Variants in WDR70 observed in about 807,000 individuals in gnomAD.
WDR70 encodes the protein WD repeat-containing protein 70.
Under a neutral mutation model 88.6 loss-of-function variants are expected in WDR70, and 53 were observed. That is an observed-to-expected ratio of 0.60 (90% CI 0.48 to 0.75). WDR70 has a LOEUF of 0.75. Ranked by LOEUF, WDR70 falls within the 30% of genes least tolerant of loss-of-function variation. The pLI, the probability that WDR70 is intolerant of heterozygous loss-of-function variation, is 0.00. For synonymous variants in WDR70, 280 were observed against 270.0 expected (o/e 1.04, Z -0.36); for missense variants, 610 against 823.2 (o/e 0.74, Z 3.17).
chr5:37,690,109 T>C (rs1273267359), intron 10 of WDR70, among the ~76,000 whole-genome samples: 2 of 152,084 alleles, frequency 1.3e-5, no homozygotes, highest in Non-Finnish European at 2.9e-5. Flanking sequence ...AGAAAGGGTA[T>C]CAGTGATAGA....
chr5:37,654,992 A>G (rs1324699552), intron 10 of WDR70, among the ~76,000 whole-genome samples: 1 of 152,200 alleles, frequency 6.6e-6, no homozygotes, highest in Non-Finnish European at 1.5e-5. Flanking sequence ...TGTCATTATG[A>G]TGCTAGCTAG....
chr5:37,548,153 G>A (rs1742046953), intron 9 of WDR70, among the ~76,000 whole-genome samples: 1 of 152,146 alleles, frequency 6.6e-6, no homozygotes, highest in African/African-American at 2.4e-5. Flanking sequence ...TTTCTTTTGG[G>A]TATGTACCCA....
At chr5:37,726,749 A>G in intron 16 of WDR70, 134 bp from the exon 17 acceptor site, 1 of 920,694 alleles carries the variant, frequency 1.1e-6, no homozygotes, top group South Asian at 3.6e-5. Context: ...TCTGATTGTC[A>G]TAAATCTAAG....
At chr5:37,381,909 C>T (rs1748437200) in intron 3 of WDR70, 2 of 369,536 alleles carry the variant, frequency 5.4e-6, no homozygotes, top group Admixed American at 3.7e-5. Context: ...CAATAATTAG[C>T]TGGGCATGGT....
chr5:37,424,466 G>A lies in WDR70; in HGVS notation c.493-13456G>A, dbSNP rs545166303. The stretch of plus-strand genomic sequence containing the variant: ...GTTGCCCAGGCTGGAGTACAGTGGC[G>A]TGATCACGGCTCACTGTAGCCTTAA... On this transcript the variant is annotated intron_variant, in intron 5 of 17. Transcript: ENST00000265107. Among the ~76,000 whole-genome samples the A allele has an allele frequency of 2.9e-4, 43 of 150,662 alleles. 1 individual carries two copies. The South Asian group carries it at 6.9e-3, about 24-fold the overall frequency.
chr5:37,589,468 G>GT (rs1228592614), intron 9 of WDR70, among the ~76,000 whole-genome samples: 1 of 152,084 alleles, frequency 6.6e-6, no homozygotes, highest in African/African-American at 2.4e-5. Flanking sequence ...GTTGAGTACT[G>GT]TTTCACCTGC....
chr5:37,600,819 C>G (rs981805373), intron 9 of WDR70, among the ~76,000 whole-genome samples: 2 of 152,018 alleles, frequency 1.3e-5, no homozygotes, highest in African/African-American at 4.8e-5. Context: ...AAGGGTACAG[C>G]CACTCTGGAA....
intron 7 of WDR70, among the ~76,000 whole-genome samples, chr5:37,459,570 T>TA (rs1738935931): frequency 1.6e-5 from 1 of 61,960 alleles, no homozygotes; most frequent in African/African-American, 4.7e-5. Context: ...ACGTTAGACC[T>TA]AAAACCATAA....
At chr5:37,452,475 A>T (rs1738705194) in intron 7 of WDR70, among the ~76,000 whole-genome samples, 2 of 152,192 alleles carry the variant, frequency 1.3e-5, no homozygotes, top group Non-Finnish European at 1.5e-5. Flanking sequence ...CATGTTGGCC[A>T]GGCTGGTCCT....
chr5:37,711,394 T>C (rs1245546223), intron 13 of WDR70, among the ~76,000 whole-genome samples: 2 of 152,196 alleles, frequency 1.3e-5, no homozygotes, highest in Non-Finnish European at 2.9e-5. Flanking sequence ...TTTTACAACT[T>C]CCCTAAAGAG....
rs1411710684 is a variant in WDR70, at chr5:37,563,383, G to A, written c.918-41681G>A. ...TCTTCCCAGTAGGGGCGGCCGGGCA[G>A]AGGCGCCCCTCACCTCCAGGATTGG... On this transcript the variant is annotated intron_variant, in intron 9 of 17. Coordinates refer to ENST00000265107, the MANE Select transcript of WDR70 (RefSeq NM_018034.4). 3.4e-5 allele frequency among the ~76,000 whole-genome samples: 2 copies of A among 58,738 alleles called. 1 individual carries two copies. The highest frequency in any genetic ancestry group is 8.2e-4 in the East Asian group (2 of 2,442). 38.5% of individuals were successfully genotyped at this position (58,738 alleles called of 152,430 possible).
chr5:37,491,630 A>G (rs1256031512), intron 8 of WDR70, among the ~76,000 whole-genome samples: 2 of 152,204 alleles, frequency 1.3e-5, no homozygotes, highest in Admixed American at 1.3e-4. Context: ...ATTTTTGAAT[A>G]GTACGTGTAG....
intron 10 of WDR70, among the ~76,000 whole-genome samples, chr5:37,647,983 C>G (rs983470292): frequency 2.6e-5 from 4 of 152,154 alleles, no homozygotes; most frequent in Non-Finnish European, 2.9e-5. Flanking sequence ...GGGGAAACTA[C>G]CCCCATAATC....
chr5:37,526,410 A>C (rs1307711304), intron 9 of WDR70, among the ~76,000 whole-genome samples: 2 of 152,224 alleles, frequency 1.3e-5, no homozygotes, highest in East Asian at 3.8e-4. Flanking sequence ...GATGCAGAAA[A>C]GGCCTTTGAC....
At chr5:37,737,018 A>G (rs1015820881) in intron 17 of WDR70, among the ~76,000 whole-genome samples, 1 of 152,166 alleles carries the variant, frequency 6.6e-6, no homozygotes, top group Non-Finnish European at 1.5e-5. Context: ...GCAAGCTGCT[A>G]TATTGTGTTT....
intron 5 of WDR70, among the ~76,000 whole-genome samples, chr5:37,414,013 T>C (rs1749609539): frequency 6.6e-6 from 1 of 151,064 alleles, no homozygotes; most frequent in African/African-American, 2.4e-5. Flanking sequence ...GGCGTGGTAG[T>C]GCATGCTTGT....
At chr5:37,483,001 G>T (rs1457677148) in intron 8 of WDR70, among the ~76,000 whole-genome samples, 2 of 150,924 alleles carry the variant, frequency 1.3e-5, no homozygotes, top group East Asian at 2.0e-4. Flanking sequence ...CGATGATCAT[G>T]CTTGTGAATA....
intron 9 of WDR70, among the ~76,000 whole-genome samples, chr5:37,584,278 A>G (rs181916247): frequency 1.3e-5 from 2 of 152,332 alleles, no homozygotes; most frequent in East Asian, 3.9e-4. Flanking sequence ...TTAGTCCGGT[A>G]TTCTGAATTC....
At chr5:37,669,587 G>A (rs956127128) in intron 10 of WDR70, among the ~76,000 whole-genome samples, 3 of 152,024 alleles carry the variant, frequency 2.0e-5, no homozygotes, top group African/African-American at 7.3e-5. Flanking sequence ...ACCACTGCTG[G>A]TACCACTTGT....
Sources: gnomAD v4.1 joint callset for allele counts (sites outside exome capture counted in the v4.1 genomes callset) on GRCh38, gnomAD v4.1.1 for gene constraint, MANE v1.5 for transcripts, NCBI Gene and HGNC (gene_info 2026-07-23, HGNC 2026-07-21) for gene names.